The following BICD1 variants were observed in gnomAD, a reference collection of about 807,000 sequenced individuals.
The protein encoded by BICD1 is BICD cargo adaptor 1, also known as protein bicaudal D homolog 1.
BICD1 carries 35 observed loss-of-function variants against 92.5 expected under a neutral mutation model. That is an observed-to-expected ratio of 0.38 (90% CI 0.29 to 0.50). BICD1 has a LOEUF of 0.50. BICD1 is among the 20% of genes least tolerant of loss of function. The pLI is 0.93. For synonymous variants in BICD1, 429 were observed against 465.1 expected, an observed-to-expected ratio of 0.92 and a Z score of 1.00; for missense variants, 950 against 1,189.8, an observed-to-expected ratio of 0.80 and a Z score of 2.97.
rs151109542 is a variant in BICD1 at position 32,269,867 on chromosome 12, C to T, written c.427-24127C>T. On this transcript the variant is annotated intron_variant, in intron 2 of 9. Transcript: ENST00000652176. ...ATATCGGGCTGAGCAGGGTGGCTCA[C>T]GCTTGTAATCCCAGCACTTTGGAAG... 1.7e-4 allele frequency among the ~76,000 whole-genome samples: 26 copies of T among 152,120 alleles called. No individual in the cohort carries two copies. The East Asian group carries it at 2.1e-3, about 12-fold the overall frequency.
At chr12:32,242,190 T>C (rs1398649415) in intron 2 of BICD1, among the ~76,000 whole-genome samples, 1 of 113,658 alleles carries the variant, frequency 8.8e-6, no homozygotes, top group Non-Finnish European at 1.6e-5. Flanking sequence ...CGCTCCAGCC[T>C]AGGATACAGA....
At chr12:32,254,056 T>C (rs1381809500) in intron 2 of BICD1, among the ~76,000 whole-genome samples, 3 of 61,610 alleles carry the variant, frequency 4.9e-5, no homozygotes, top group Non-Finnish European at 1.3e-4. Flanking sequence ...CCGTATTCAC[T>C]GCCGAATCCC....
At chr12:32,129,648 A>G (rs1320733456) in intron 1 of BICD1, among the ~76,000 whole-genome samples, 1 of 151,966 alleles carries the variant, frequency 6.6e-6, no homozygotes, top group Admixed American at 6.6e-5. Flanking sequence ...GGGATTATAG[A>G]CATGAGCCAC....
intron 1 of BICD1, among the ~76,000 whole-genome samples, chr12:32,124,629 G>C (rs1942264829): frequency 6.6e-6 from 1 of 152,170 alleles, no homozygotes; most frequent in Non-Finnish European, 1.5e-5. Flanking sequence ...AGCAAACTCA[G>C]CTTGAATCAG....
intron 1 of BICD1, among the ~76,000 whole-genome samples, chr12:32,147,366 C>G (rs1943145334): frequency 6.6e-6 from 1 of 152,192 alleles, no homozygotes; most frequent in Non-Finnish European, 1.5e-5. Context: ...CCACAACGCT[C>G]ATTTCACTGA....
intron 2 of BICD1, among the ~76,000 whole-genome samples, chr12:32,279,725 C>A (rs988135421): frequency 6.6e-6 from 1 of 152,178 alleles, no homozygotes; most frequent in African/African-American, 2.4e-5. Flanking sequence ...AGGCAGGTAT[C>A]CCATGGGACA....
chr12:32,172,562 ACAG>A (rs1943976481), intron 1 of BICD1, among the ~76,000 whole-genome samples: 1 of 152,190 alleles, frequency 6.6e-6, no homozygotes, highest in Non-Finnish European at 1.5e-5. Context: ...AGTCATTCCC[ACAG>A]CTTTAAGTGT....
chr12:32,334,427 A>G (rs1368460632), intron 5 of BICD1, 89 bp from the exon 6 acceptor site: 1 of 1,300,516 alleles, frequency 7.7e-7, no homozygotes, highest in East Asian at 2.6e-5. Flanking sequence ...TTCCTTTTAT[A>G]AAAGAACATA....
At chr12:32,183,771 A>G (rs1005957826) in intron 1 of BICD1, among the ~76,000 whole-genome samples, 1 of 152,214 alleles carries the variant, frequency 6.6e-6, no homozygotes, top group African/African-American at 2.4e-5. Context: ...AGGAAGGCCA[A>G]CTGGGAGAGT....
At chr12:32,165,063 G>A (rs1798586) in intron 1 of BICD1, among the ~76,000 whole-genome samples, 21,396 of 152,156 alleles carry the variant, frequency 0.14, 1,745 homozygotes, top group East Asian at 0.21. Flanking sequence ...GATAAATCGG[G>A]CAAAATATTC....
chr12:32,173,069 G>T (rs2121516556), intron 1 of BICD1, among the ~76,000 whole-genome samples: 1 of 151,308 alleles, frequency 6.6e-6, no homozygotes, highest in South Asian at 2.1e-4. Flanking sequence ...TTTTTTTGGA[G>T]ACAGCGTCTC....
chr12:32,132,336 A>C (rs1379986860), intron 1 of BICD1, among the ~76,000 whole-genome samples: 5 of 151,490 alleles, frequency 3.3e-5, no homozygotes, highest in Non-Finnish European at 7.4e-5. Context: ...GAATTGCTTG[A>C]ACCCGGGAGG....
At chr12:32,269,366 G>A (rs1019728905) in intron 2 of BICD1, among the ~76,000 whole-genome samples, 4 of 152,118 alleles carry the variant, frequency 2.6e-5, no homozygotes, top group Admixed American at 1.3e-4. Context: ...TTTCTTTAAT[G>A]TGAATTACTT....
At chr12:32,305,661 TA>T in intron 3 of BICD1, 35 bp from the exon 4 acceptor site, 1 of 1,540,276 alleles carries the variant, frequency 6.5e-7, no homozygotes, top group Non-Finnish European at 8.7e-7. Context: ...ATCCACATTT[TA>T]GTTTTATGAA....
At chr12:32,376,886 G>T (rs1009548337) in intron 9 of BICD1, among the ~76,000 whole-genome samples, 16 of 141,148 alleles carry the variant, frequency 1.1e-4, no homozygotes, top group South Asian at 5.1e-4. Context: ...AGGGGGGGGG[G>T]GGTGAAATAT....
chr12:32,253,283 A>G (rs1946615774), intron 2 of BICD1, among the ~76,000 whole-genome samples: 1 of 152,134 alleles, frequency 6.6e-6, no homozygotes, highest in Non-Finnish European at 1.5e-5. Context: ...TAATAATGCC[A>G]GGAATTATGC....
intron 1 of BICD1, among the ~76,000 whole-genome samples, chr12:32,138,655 T>C (rs1411396155): frequency 6.6e-6 from 1 of 152,196 alleles, no homozygotes; most frequent in Non-Finnish European, 1.5e-5. Context: ...GGCTTTGTGT[T>C]AGGTGATTTT....
At chr12:32,187,044 A>G (rs146565820) in intron 1 of BICD1, among the ~76,000 whole-genome samples, 40 of 152,262 alleles carry the variant, frequency 2.6e-4, no homozygotes, top group Non-Finnish European at 4.0e-4. Flanking sequence ...TGGTGAGTTT[A>G]TGGGCTTAGA....
At position 32,231,744 on chromosome 12, in the gene BICD1, C is replaced by A. The variant is rs193027420; in HGVS notation, c.426+15285C>A. Among the ~76,000 whole-genome samples the A allele has an allele frequency of 9.2e-5, 12 of 130,408 alleles. No individual in the cohort carries two copies. The East Asian group carries it at 2.4e-3, about 26-fold the overall frequency. The allele number at this position is 130,408 out of a possible 152,430, so 85.6% of individuals were successfully genotyped here. On this transcript the variant is annotated intron_variant, in intron 2 of 9. Coordinates refer to ENST00000652176, the MANE Select transcript of BICD1 (RefSeq NM_001714.4). ...CCCAATGCTATCCTTCCCCCCTCCC[C>A]CCACCCCACAACAGTCCCCAGAGTG...
Sources: allele counts gnomAD v4.1 joint callset (sites outside exome capture counted in the v4.1 genomes callset), GRCh38; gene constraint gnomAD v4.1.1; transcripts MANE v1.5; gene names NCBI Gene and HGNC (gene_info 2026-07-23, HGNC 2026-07-21).